The following RBM19 variants were observed in gnomAD, a reference collection of about 807,000 sequenced individuals.
The protein encoded by RBM19 is probable RNA-binding protein 19.
In RBM19, 94 loss-of-function variants were observed where a neutral mutation model predicts 116.8. The ratio of observed to expected loss-of-function variants is 0.80; its 90% CI spans 0.68 to 0.95. The LOEUF is 0.95. RBM19 is among the 40% of genes least tolerant of loss of function. RBM19 has a pLI of 0.00. For missense variants in RBM19, 1,161 were observed against 1,220.7 expected, an observed-to-expected ratio of 0.95 and a Z score of 0.73; for synonymous variants, 475 against 494.1, an observed-to-expected ratio of 0.96 and a Z score of 0.51.
intron 9 of RBM19, among the ~76,000 whole-genome samples, chr12:113,949,814 C>T (rs1020948911): frequency 2.6e-5 from 4 of 152,282 alleles, no homozygotes; most frequent in Non-Finnish European, 4.4e-5. Flanking sequence ...CCCCAGGACC[C>T]GTGCCTGCTG....
At chr12:113,923,683 T>C (rs1034699891) in intron 18 of RBM19, among the ~76,000 whole-genome samples, 1 of 152,226 alleles carries the variant, frequency 6.6e-6, no homozygotes, top group African/African-American at 2.4e-5. Context: ...CTGAACACCT[T>C]GTTCCCGCCG....
At chr12:113,965,045 T>C (rs1872757056) in intron 1 of RBM19, among the ~76,000 whole-genome samples, 1 of 151,048 alleles carries the variant, frequency 6.6e-6, no homozygotes, top group Non-Finnish European at 1.5e-5. Flanking sequence ...GCCGAGGCGG[T>C]GGATCACCTG....
chr12:113,830,096 G>A (rs1217844011), intron 23 of RBM19, among the ~76,000 whole-genome samples: 1 of 152,174 alleles, frequency 6.6e-6, no homozygotes, highest in African/African-American at 2.4e-5. Context: ...GCTCAGATAG[G>A]GTTGGCTCCA....
rs1424684734 is a variant in RBM19 at position 113,949,037 on chromosome 12, C to T, written c.1073-1G>A. 6.2e-7 allele frequency: 1 copy of T among 1,611,840 alleles called. No individual in the cohort carries two copies. The highest frequency in any genetic ancestry group is 1.3e-5 in the African/African-American group (1 of 74,878). ...CTGAACACCTCGATGTAGCGCCCAC[C>T]TGCAATGAAGAGGAGTCAGGGCTCC... On this transcript the variant is annotated splice_acceptor_variant, in intron 9 of 23. Transcript: ENST00000261741. LOFTEE classifies it high-confidence loss of function.
chr12:113,917,925 C>T (rs901930811), intron 20 of RBM19, among the ~76,000 whole-genome samples: 20 of 152,328 alleles, frequency 1.3e-4, no homozygotes, highest in South Asian at 1.0e-3. Context: ...CTAACACCTA[C>T]GGAATCTCTT....
chr12:113,953,721 G>T (rs2135932187), intron 7 of RBM19, among the ~76,000 whole-genome samples: 1 of 152,372 alleles, frequency 6.6e-6, no homozygotes, highest in Admixed American at 6.5e-5. Flanking sequence ...CAAAGCCTTA[G>T]AATTGTACAC....
At chr12:113,855,913 G>A (rs1334343395) in intron 22 of RBM19, among the ~76,000 whole-genome samples, 3 of 152,244 alleles carry the variant, frequency 2.0e-5, no homozygotes, top group Non-Finnish European at 4.4e-5. Flanking sequence ...AAGTTCTCCA[G>A]ACAGACCTGG....
chr12:113,948,443 C>T (rs7979675), intron 10 of RBM19, among the ~76,000 whole-genome samples: 24,963 of 152,122 alleles, frequency 0.16, 2,796 homozygotes, highest in African/African-American at 0.32. Context: ...TACGGAGGAA[C>T]GCCGTGTAGG....
chr12:113,930,407 C>T (rs575062145), intron 16 of RBM19, among the ~76,000 whole-genome samples: 1 of 152,374 alleles, frequency 6.6e-6, no homozygotes, highest in South Asian at 2.1e-4. Context: ...AATGCCCAGG[C>T]ACCTGCCCAA....
chr12:113,829,493 T>C (rs1343875872), intron 23 of RBM19, among the ~76,000 whole-genome samples: 1 of 152,228 alleles, frequency 6.6e-6, no homozygotes, highest in Non-Finnish European at 1.5e-5. Flanking sequence ...ACCGTAAGGA[T>C]TCCTGCCTTC....
chr12:113,832,272 T>G (rs1310692087), intron 23 of RBM19, among the ~76,000 whole-genome samples: 1 of 151,330 alleles, frequency 6.6e-6, no homozygotes, highest in Non-Finnish European at 1.5e-5. Context: ...TCACTGCAAC[T>G]TCTGTCTCCC....
chr12:113,862,694 C>T (rs1307508468), intron 21 of RBM19, among the ~76,000 whole-genome samples: 1 of 152,052 alleles, frequency 6.6e-6, no homozygotes, highest in Non-Finnish European at 1.5e-5. Context: ...AATCACAGGG[C>T]ACCCAGGAAC....
chr12:113,930,817 T>C (rs901174351), intron 16 of RBM19, among the ~76,000 whole-genome samples: 4 of 152,134 alleles, frequency 2.6e-5, no homozygotes, highest in African/African-American at 9.7e-5. Flanking sequence ...AAGGGCATCA[T>C]GGTCTTTAGA....
In RBM19 at chr12:113,878,668, CA is replaced by C. The variant is rs1565992862; in HGVS notation, c.2559-19773del. Among the ~76,000 whole-genome samples, 264 of 150,508 alleles carry C rather than the reference CA, an allele frequency of 1.8e-3. 2 individuals carry two copies. Among genetic ancestry groups the C allele is most frequent in the African/African-American group, 5.9e-3 (238 of 40,170 alleles). On this transcript the variant is annotated intron_variant, in intron 21 of 23. Coordinates refer to ENST00000261741, the MANE Select transcript of RBM19 (RefSeq NM_016196.4). Reference sequence around the variant, plus strand: ...ACACACACACACACACACACACACACACACCCTCACTCAGCAAACGTCCCAT... The same window carrying C: ...ACACACACACACACACACACACACACCACCCTCACTCAGCAAACGTCCCAT...
At chr12:113,856,894 A>G (rs3782440) in intron 22 of RBM19, among the ~76,000 whole-genome samples, 19,935 of 152,246 alleles carry the variant, frequency 0.13, 1,291 homozygotes, top group African/African-American at 0.14. Context: ...TTACGAGGGG[A>G]GGAAACTGAG....
At chr12:113,858,598 C>A (rs1254900150) in intron 22 of RBM19, among the ~76,000 whole-genome samples, 193 bp downstream of exon 22, 1 of 152,178 alleles carries the variant, frequency 6.6e-6, no homozygotes, top group Non-Finnish European at 1.5e-5. Context: ...ACAGAAACTG[C>A]CCCTTCCTCC....
chr12:113,918,275 G>T, intron 20 of RBM19, 117 bp downstream of exon 20: 2 of 1,009,794 alleles, frequency 2.0e-6, no homozygotes, highest in Non-Finnish European at 1.6e-6. Flanking sequence ...GTCCTAAATG[G>T]TAAAGGGATA....
chr12:113,858,994 T>A, intron 21 of RBM19, 98 bp from the exon 22 acceptor site: 1 of 1,113,266 alleles, frequency 9.0e-7, no homozygotes, highest in South Asian at 1.3e-5. Flanking sequence ...CCCTTTGGGT[T>A]ATAAAAGACA....
Position 113,945,306 on chromosome 12 carries a change from G to A in RBM19, c.1626+522C>T, listed in dbSNP as rs554815191. On this transcript the variant is annotated intron_variant, in intron 13 of 23. Transcript: ENST00000261741. ...CTAGACTTGGGAGAGAAGGAGGAAC[G>A]GAACCCAGCGACCCCCTCCTCTGGC... Among the ~76,000 whole-genome samples, 15 of 152,312 alleles carry A rather than the reference G, an allele frequency of 9.8e-5. No individual in the cohort carries two copies. In the East Asian group the frequency reaches 2.1e-3, roughly 22 times the overall value.
Sources: gnomAD v4.1 joint callset for allele counts (sites outside exome capture counted in the v4.1 genomes callset) on GRCh38, gnomAD v4.1.1 for gene constraint, MANE v1.5 for transcripts, NCBI Gene and HGNC (gene_info 2026-07-23, HGNC 2026-07-21) for gene names.